LRGUK: variants seen among roughly 807,000 people sequenced by gnomAD.
LRGUK encodes leucine rich repeats and guanylate kinase domain containing, also known as leucine-rich repeat and guanylate kinase domain-containing protein.
Under a neutral mutation model 76.0 loss-of-function variants are expected in LRGUK, and 65 were observed. The observed-to-expected ratio is 0.85, with a 90% confidence interval of 0.70 to 1.05. The LOEUF (loss-of-function observed/expected upper bound fraction) is 1.05. Among genes scored for constraint, LRGUK ranks in the 50% least tolerant of loss-of-function variants. The pLI, the probability that LRGUK is intolerant of heterozygous loss-of-function variation, is 0.00. For missense variants in LRGUK, 758 were observed against 732.8 expected (o/e 1.03, Z -0.40); for synonymous variants, 268 against 265.6 (o/e 1.01, Z -0.09).
intron 7 of LRGUK, 40 bp downstream of exon 7, chr7:134,163,580 A>G (rs928916832): frequency 9.6e-6 from 15 of 1,559,578 alleles, no homozygotes; most frequent in East Asian, 2.3e-5. Context: ...CAGTGTTGAC[A>G]TAAGAGGACA....
chr7:134,174,132 C>T (rs920464158), intron 7 of LRGUK, among the ~76,000 whole-genome samples: 13 of 149,956 alleles, frequency 8.7e-5, no homozygotes, highest in African/African-American at 3.2e-4. Flanking sequence ...AGGCTTTAAC[C>T]AGTCATAAAT....
intron 15 of LRGUK, among the ~76,000 whole-genome samples, chr7:134,220,414 G>A (rs968043021): frequency 6.6e-6 from 1 of 152,082 alleles, no homozygotes; most frequent in African/African-American, 2.4e-5. Flanking sequence ...AGGAGTTCAA[G>A]TTCAGATTCC....
intron 18 of LRGUK, among the ~76,000 whole-genome samples, chr7:134,251,745 A>G (rs426968): frequency 0.074 from 11,266 of 152,224 alleles, 1,016 homozygotes; most frequent in African/African-American, 0.21. Flanking sequence ...TGCATCTATC[A>G]TTTGATAAAA....
intron 4 of LRGUK, among the ~76,000 whole-genome samples, chr7:134,144,119 G>C (rs531257852): frequency 3.7e-4 from 56 of 152,288 alleles, no homozygotes; most frequent in Non-Finnish European, 7.2e-4. Flanking sequence ...GAGTGCAGTT[G>C]CGCATTCTTG....
At chr7:134,203,864 C>T (rs1185349759) in intron 15 of LRGUK, among the ~76,000 whole-genome samples, 1 of 152,158 alleles carries the variant, frequency 6.6e-6, no homozygotes, top group Admixed American at 6.5e-5. Context: ...AGAAGTTTCT[C>T]TTGAGAAAAT....
At chr7:134,211,661 T>C (rs1484373911), downstream of LRGUK, among the ~76,000 whole-genome samples, 1 of 152,228 alleles carries the variant, frequency 6.6e-6, no homozygotes, top group Non-Finnish European at 1.5e-5. Context: ...CTCATGTAAA[T>C]TAGCTCATGC....
intron 6 of LRGUK, among the ~76,000 whole-genome samples, chr7:134,158,462 T>C (rs1270608461): frequency 2.6e-5 from 4 of 152,226 alleles, no homozygotes; most frequent in Non-Finnish European, 5.9e-5. Context: ...TTTTAGTATG[T>C]ATTTAAAAAT....
intron 16 of LRGUK, among the ~76,000 whole-genome samples, chr7:134,234,191 C>T (rs1801964922): frequency 6.6e-6 from 1 of 152,124 alleles, no homozygotes; most frequent in African/African-American, 2.4e-5. Flanking sequence ...TTCTTCTGCT[C>T]TTCATGAGGC....
intron 16 of LRGUK, among the ~76,000 whole-genome samples, chr7:134,228,590 T>C (rs1326475042): frequency 6.6e-6 from 1 of 152,146 alleles, no homozygotes; most frequent in Non-Finnish European, 1.5e-5. Flanking sequence ...TGTACATCTA[T>C]AAATGGTAAA....
intron 14 of LRGUK, among the ~76,000 whole-genome samples, chr7:134,200,105 A>G (rs1800705339): frequency 7.0e-6 from 1 of 143,130 alleles, no homozygotes; most frequent in Non-Finnish European, 1.5e-5. Flanking sequence ...ATCTTGGTTC[A>G]CTACAACCTC....
intron 4 of LRGUK, 139 bp downstream of exon 4, chr7:134,143,301 AAAG>A (rs1797844371): frequency 1.6e-6 from 1 of 609,322 alleles, no homozygotes; most frequent in Admixed American, 3.1e-5. Context: ...ATGAAATAAA[AAAG>A]AAGGCTTTGT....
chr7:134,274,137 A>C, the LRGUK span, among the ~76,000 whole-genome samples: 2 of 152,212 alleles, frequency 1.3e-5, no homozygotes, highest in East Asian at 1.9e-4. Flanking sequence ...GTTGTTGAGC[A>C]CTTGAAATGT....
intron 15 of LRGUK, among the ~76,000 whole-genome samples, chr7:134,217,247 C>T (rs1350910323): frequency 1.3e-5 from 2 of 148,376 alleles, no homozygotes; most frequent in African/African-American, 5.0e-5. Flanking sequence ...CCCATTAGTT[C>T]ACCTCCACTG....
chr7:134,273,676 T>A, the LRGUK span, among the ~76,000 whole-genome samples: 1 of 152,194 alleles, frequency 6.6e-6, no homozygotes. Flanking sequence ...CTCATTAGCA[T>A]AAAGTGTATT....
At chr7:134,132,273 C>T (rs193025499) in intron 1 of LRGUK, among the ~76,000 whole-genome samples, 74 of 152,104 alleles carry the variant, frequency 4.9e-4, no homozygotes, top group Non-Finnish European at 9.1e-4. Context: ...AAGGATCACT[C>T]GAGTCCAGGA....
chr7:134,269,701 T>A, the LRGUK span, among the ~76,000 whole-genome samples: 1 of 152,186 alleles, frequency 6.6e-6, no homozygotes, highest in Non-Finnish European at 1.5e-5. Context: ...ATATATTCCA[T>A]CTTGGTAAAT....
chr7:134,139,460 A>G, exon 3 of LRGUK: 1 of 1,610,458 alleles, frequency 6.2e-7, no homozygotes, highest in Non-Finnish European at 8.5e-7. Flanking sequence ...TGATGTTAGC[A>G]TTCTCTGTGG....
chr7:134,196,622 G>A (rs186285020), intron 12 of LRGUK, among the ~76,000 whole-genome samples: 2 of 152,266 alleles, frequency 1.3e-5, no homozygotes, highest in African/African-American at 2.4e-5. Flanking sequence ...CTGAAATGGC[G>A]GCAGTAAAGG....
intron 13 of LRGUK, 26 bp downstream of exon 13, chr7:134,197,131 ATG>A: frequency 5.9e-6 from 8 of 1,354,606 alleles, no homozygotes; most frequent in Non-Finnish European, 8.4e-6. Context: ...CAACCAATTA[ATG>A]TGTGTGTAGT....
Sources: gnomAD v4.1 joint callset for allele counts (sites outside exome capture counted in the v4.1 genomes callset) on GRCh38, gnomAD v4.1.1 for gene constraint, MANE v1.5 for transcripts, NCBI Gene and HGNC (gene_info 2026-07-23, HGNC 2026-07-21) for gene names.